The following ATP10D variants were observed in gnomAD, a reference collection of about 807,000 sequenced individuals.
ATP10D encodes the protein phospholipid-transporting ATPase VD.
A neutral mutation model predicts 144.8 loss-of-function variants in ATP10D; 89 were observed. That is an observed-to-expected ratio of 0.61 (90% confidence interval 0.52 to 0.73). The LOEUF (loss-of-function observed/expected upper bound fraction) is 0.73, where lower values mean the gene tolerates loss of function less well. ATP10D is among the 30% of genes least tolerant of loss of function. ATP10D has a pLI of 0.00. For synonymous variants in ATP10D, 571 were observed against 615.1 expected, an observed-to-expected ratio of 0.93 and a Z score of 1.06; for missense variants, 1,603 against 1,714.8, an observed-to-expected ratio of 0.93 and a Z score of 1.15.
intron 3 of ATP10D, among the ~76,000 whole-genome samples, chr4:47,518,726 C>T (rs1350042402): frequency 6.6e-6 from 1 of 152,174 alleles, no homozygotes; most frequent in Non-Finnish European, 1.5e-5. Context: ...CTTAGTAACA[C>T]ACTTTACGAA....
At chr4:47,590,622 C>A (rs1341188198) in intron 22 of ATP10D, among the ~76,000 whole-genome samples, 2 of 152,094 alleles carry the variant, frequency 1.3e-5, no homozygotes, top group Admixed American at 1.3e-4. Flanking sequence ...GCTTAGCCTA[C>A]AAAGGGACAC....
chr4:47,532,327 T>G (rs1275315882), intron 5 of ATP10D, among the ~76,000 whole-genome samples: 1 of 152,200 alleles, frequency 6.6e-6, no homozygotes, highest in Non-Finnish European at 1.5e-5. Flanking sequence ...CTGGGCAACA[T>G]GTTTCCCTGC....
At chr4:47,504,720 G>A (rs528863170) in intron 1 of ATP10D, among the ~76,000 whole-genome samples, 8 of 152,182 alleles carry the variant, frequency 5.3e-5, no homozygotes, top group East Asian at 3.9e-4. Flanking sequence ...CCGCCACCAC[G>A]CCTGGCTAAT....
chr4:47,532,360 G>A (rs1295021236), intron 5 of ATP10D, among the ~76,000 whole-genome samples: 1 of 152,110 alleles, frequency 6.6e-6, no homozygotes, highest in East Asian at 1.9e-4. Context: ...ACTTGTGATG[G>A]CTCCTCTGAT....
chr4:47,504,294 G>C (rs912653631), intron 1 of ATP10D, among the ~76,000 whole-genome samples: 6 of 152,032 alleles, frequency 3.9e-5, no homozygotes, highest in African/African-American at 1.4e-4. Flanking sequence ...TTTTTTTGTA[G>C]ATAGAGGATA....
chr4:47,586,624 G>A (rs1720804083), intron 21 of ATP10D, among the ~76,000 whole-genome samples: 1 of 152,144 alleles, frequency 6.6e-6, no homozygotes, highest in South Asian at 2.1e-4. Context: ...CAACAGTACT[G>A]TCTAACACCT....
intron 1 of ATP10D, chr4:47,491,620 T>G: frequency 3.2e-6 from 1 of 312,040 alleles, no homozygotes; most frequent in South Asian, 4.0e-5. Context: ...CCAACCTAGA[T>G]TTTCATTTAA....
intron 22 of ATP10D, 62 bp from the exon 23 acceptor site, chr4:47,590,980 G>A: frequency 8.8e-7 from 1 of 1,142,588 alleles, no homozygotes; most frequent in South Asian, 1.8e-5. Flanking sequence ...AGTATTTGGG[G>A]GGGGGGGTTC....
Position 47,536,671 on chromosome 4 carries a change from TTTGG to T in ATP10D, c.1144-14_1144-11del, listed in dbSNP as rs1278093543. 1 of 1,599,278 alleles carries T rather than the reference TTTGG, an allele frequency of 6.3e-7. No individual in the cohort carries two copies. The highest frequency in any genetic ancestry group is 8.5e-7 in the Non-Finnish European group (1 of 1,173,542). The stretch of plus-strand genomic sequence containing the variant: ...ACCTACGTTAACATTTTAAAACTTG[TTTGG>T]ATCTTCTTAGGTCTTGATTCCTATT... On this transcript the variant is annotated splice_polypyrimidine_tract_variant and intron_variant, in intron 8 of 22. Coordinates refer to ENST00000273859, the MANE Select transcript of ATP10D (RefSeq NM_020453.4).
intron 3 of ATP10D, among the ~76,000 whole-genome samples, chr4:47,522,349 T>G (rs1716990562): frequency 1.3e-5 from 2 of 152,238 alleles, no homozygotes; most frequent in Non-Finnish European, 2.9e-5. Context: ...CCTTGGTATC[T>G]GACCACAGAG....
Position 47,546,700 on chromosome 4 carries a change from C to A in ATP10D, c.1473C>A (p.Ser491Arg). The change falls in exon 10 of 23, where the codon AGC (serine) becomes AGA (arginine). Residue 491 changes from serine (S) to arginine (R), a missense_variant. Transcript: ENST00000273859. Reference protein sequence around the residue: ...DFIDTVSGSLSNMAKPRAPSC... With the variant: ...DFIDTVSGSLRNMAKPRAPSC... Reference sequence around the variant, plus strand: ...TAGACACAGTCAGTGGTTCCCTCAGCAATATGGCAAAACCGAGAGCCCCCA... The same window carrying A: ...TAGACACAGTCAGTGGTTCCCTCAGAAATATGGCAAAACCGAGAGCCCCCA... 1 of 1,614,114 alleles carries A rather than the reference C, an allele frequency of 6.2e-7. No homozygotes were observed. The highest frequency in any genetic ancestry group is 8.5e-7 in the Non-Finnish European group (1 of 1,179,976).
Position 47,523,159 on chromosome 4 carries a change from T to A in ATP10D, c.633T>A (p.Gly211=). 1 of 1,614,066 alleles carries A rather than the reference T, an allele frequency of 6.2e-7. No individual in the cohort carries two copies. Among genetic ancestry groups the A allele is most frequent in the Non-Finnish European group, 8.5e-7 (1 of 1,180,028 alleles). The change falls in exon 4 of 23, where the codon GGT becomes GGA. Residue 211 remains glycine, a synonymous_variant. Coordinates refer to ENST00000273859, the MANE Select transcript of ATP10D (RefSeq NM_020453.4). The part of the protein sequence containing the change: ...PDGICHIETS[G]LDGESNLKQR... ...GAATCTGTCACATTGAGACTTCTGG[T>A]CTTGATGGAGAGAGCAATTTAAAAC...
chr4:47,552,672 C>A (rs529347741), intron 10 of ATP10D, among the ~76,000 whole-genome samples: 1 of 152,274 alleles, frequency 6.6e-6, no homozygotes, highest in African/African-American at 2.4e-5. Context: ...GTCACAAATG[C>A]AGAAGTTGCA....
At chr4:47,549,540 T>A (rs1057099659) in intron 10 of ATP10D, among the ~76,000 whole-genome samples, 4 of 152,238 alleles carry the variant, frequency 2.6e-5, no homozygotes, top group Non-Finnish European at 5.9e-5. Flanking sequence ...AATTTATTAA[T>A]GAATTAATGG....
intron 1 of ATP10D, among the ~76,000 whole-genome samples, chr4:47,497,312 G>A (rs955430958): frequency 1.4e-4 from 21 of 152,110 alleles, no homozygotes; most frequent in Admixed American, 2.6e-4. Flanking sequence ...AGAATTAGCC[G>A]GGCGTGGTGG....
At chr4:47,495,408 G>A (rs1715300869) in intron 1 of ATP10D, among the ~76,000 whole-genome samples, 1 of 152,014 alleles carries the variant, frequency 6.6e-6, no homozygotes, top group Non-Finnish European at 1.5e-5. Flanking sequence ...TCTGTGTATA[G>A]GCTTCATGAT....
intron 5 of ATP10D, 116 bp downstream of exon 5, chr4:47,525,758 A>C: frequency 1.3e-6 from 1 of 795,748 alleles, no homozygotes; most frequent in Non-Finnish European, 2.0e-6. Context: ...AAAGGTCGTA[A>C]CTTTAGCCAC....
intron 1 of ATP10D, among the ~76,000 whole-genome samples, chr4:47,498,417 A>T (rs539772837): frequency 6.6e-6 from 1 of 152,326 alleles, no homozygotes; most frequent in African/African-American, 2.4e-5. Context: ...GGGAGGTACA[A>T]TTGGCCCCAT....
At chr4:47,589,865 A>G (rs1285012486) in intron 22 of ATP10D, among the ~76,000 whole-genome samples, 1 of 152,150 alleles carries the variant, frequency 6.6e-6, no homozygotes, top group East Asian at 1.9e-4. Flanking sequence ...TCACACTGTT[A>G]GTGTAGTAAA....
Sources: allele counts gnomAD v4.1 joint callset (sites outside exome capture counted in the v4.1 genomes callset), GRCh38; gene constraint gnomAD v4.1.1; transcripts MANE v1.5; gene names NCBI Gene and HGNC (gene_info 2026-07-23, HGNC 2026-07-21).